The following UAP1L1 variants were observed in gnomAD, a reference collection of about 807,000 sequenced individuals.
The protein encoded by UAP1L1 is UDP-N-acetylhexosamine pyrophosphorylase-like protein 1.
Under a neutral mutation model 45.3 loss-of-function variants are expected in UAP1L1, and 45 were observed. The ratio of observed to expected loss-of-function variants is 0.99; its 90% confidence interval spans 0.78 to 1.27. The LOEUF is 1.27. Among genes scored for constraint, UAP1L1 ranks in the 50% most tolerant of loss-of-function variants. The pLI, the probability that UAP1L1 is intolerant of heterozygous loss-of-function variation, is 0.00. For missense variants in UAP1L1, 667 were observed against 694.0 expected (o/e 0.96, Z 0.44); for synonymous variants, 323 against 303.9 (o/e 1.06, Z -0.65).
In UAP1L1 at chr9:137,082,019, TC is replaced by T. The variant is rs776374428; in HGVS notation, c.1388del (p.Pro463ArgfsTer17). 6.2e-7 allele frequency: 1 copy of T among 1,614,092 alleles called. No individual in the cohort carries two copies. The highest frequency in any genetic ancestry group is 8.5e-7 in the Non-Finnish European group (1 of 1,180,018). On this transcript the variant is annotated frameshift_variant, in exon 8 of 9. Coordinates refer to ENST00000409858, the MANE Select transcript of UAP1L1 (RefSeq NM_207309.3). LOFTEE classifies it high-confidence loss of function. This position sits in a 1 kb window ranked among gnomAD's most constrained non-coding sequence, Gnocchi z 5.7. ...LPSLPPNGDP[P>X]AICEISPLVS... ...CTAGCTTGCCCCCAAATGGAGACCC[TC>T]CGGCCATCTGTGAGATATCGCCCTT... is the stretch of plus-strand genomic sequence containing the variant.
rs377622844 is a variant in UAP1L1 at position 137,080,670 on chromosome 9, C to T, written c.1179-19C>T. On this transcript the variant is annotated intron_variant, in intron 6 of 8. Coordinates refer to ENST00000409858, the MANE Select transcript of UAP1L1 (RefSeq NM_207309.3). The stretch of plus-strand genomic sequence containing the variant: ...GGCCTCTGTGCTGGGACGTGGGTGA[C>T]TAGCCCTTTCCCCACCAGGAACTTT... The T allele has an allele frequency of 2.5e-6, 4 of 1,598,518 alleles. No homozygotes were observed. The African/African-American group carries it at 5.4e-5, about 21-fold the overall frequency.
In UAP1L1 at chr9:137,082,431, C is replaced by T. The variant is rs762581172; in HGVS notation, c.1432-206C>T. The T allele has an allele frequency of 3.4e-6, 2 of 595,382 alleles. No homozygotes were observed. The highest frequency in any genetic ancestry group is 6.0e-6 in the Non-Finnish European group (2 of 333,538). 36.9% of individuals were successfully genotyped at this position (595,382 alleles called of 1,614,324 possible). ...GACCTGTGCGTGACAGGAGGGTCCC[C>T]TGCTGGCCTAGGGTCTTGAGTGTGG... On this transcript the variant is annotated intron_variant, in intron 8 of 8. Transcript: ENST00000409858. The surrounding 1 kb of genome is among the most constrained non-coding windows in gnomAD (Gnocchi z 5.7).
Position 137,078,249 on chromosome 9 carries a change from C to T in UAP1L1, c.489C>T (p.Val163=). The stretch of plus-strand genomic sequence containing the variant: ...AGCGCCACGGGACCCGCTGCACCGT[C>T]CCCTGGTGTGTCCTGCCTGCCCTAC... ...AGERHGTRCT[V]PWYVMTSEFT... Residue 163 remains valine, a synonymous_variant, in exon 2 of 9, where the codon GTC becomes GTT. Coordinates refer to ENST00000409858, the MANE Select transcript of UAP1L1 (RefSeq NM_207309.3). 1 of 1,542,450 alleles carries T rather than the reference C, an allele frequency of 6.5e-7. No individual in the cohort carries two copies.
rs370805014 is a variant in UAP1L1, at chr9:137,079,365, G to T, written c.953G>T (p.Arg318Leu). 4.3e-6 allele frequency: 7 copies of T among 1,612,868 alleles called. No individual in the cohort carries two copies. Among genetic ancestry groups the T allele is most frequent in the Middle Eastern group, 1.6e-4 (1 of 6,084 alleles). The change falls in exon 5 of 9, where the codon CGT (arginine) becomes CTT (leucine). Residue 318 changes from arginine to leucine, a missense_variant. By Grantham distance (102) the Arg-to-Leu change is moderately radical. Coordinates refer to ENST00000409858, the MANE Select transcript of UAP1L1 (RefSeq NM_207309.3). ...ATCAGTCCTGAGACCGCACAGCTAC[G>T]TGCCTCCGACGGGAGCCTGCTGTAC... ...SEISPETAQL[R>L]ASDGSLLYNA...
In UAP1L1 at chr9:137,079,270, A is replaced by G. The variant is rs761506199; in HGVS notation, c.858A>G (p.Ala286=). The G allele has an allele frequency of 2.5e-6, 4 of 1,610,364 alleles. No homozygotes were observed. Among genetic ancestry groups the G allele is most frequent in the South Asian group, 1.1e-5 (1 of 90,924 alleles). The change falls in exon 5 of 9, where the codon GCA becomes GCG. Residue 286 remains alanine (A), a synonymous_variant. Transcript: ENST00000409858. ...CTTGGCTGCAGGTGGTGGAAAAGGC[A>G]TACCCCGAGGAGCCCGTGGGCGTGG... ...ADCGAKVVEK[A]YPEEPVGVVC...
Position 137,077,716 on chromosome 9 carries a change from G to T in UAP1L1, c.184G>T (p.Gly62Cys). 1 of 1,158,558 alleles carries T rather than the reference G, an allele frequency of 8.6e-7. No individual in the cohort carries two copies. The highest frequency in any genetic ancestry group is 1.1e-6 in the Non-Finnish European group (1 of 941,862). The allele number at this position is 1,158,558 out of a possible 1,614,324, so 71.8% of individuals were successfully genotyped here. A position where few individuals can be genotyped will look rare whatever the true frequency, so the allele number is the denominator to read the frequency against. The change falls in exon 1 of 9, where the codon GGC becomes TGC. Residue 62 changes from glycine to cysteine, a missense_variant. Gly to Cys is a radical substitution (Grantham distance 159). Coordinates refer to ENST00000409858, the MANE Select transcript of UAP1L1 (RefSeq NM_207309.3). This position sits in a 1 kb window ranked among gnomAD's most constrained non-coding sequence, Gnocchi z 4.7. Reference sequence around the variant, plus strand: ...GGCGGAGGCCTGCGCGCGCCCCCACGGCCCGCCGCCCGACTTGGCCGCGCG... The same window carrying T: ...GGCGGAGGCCTGCGCGCGCCCCCACTGCCCGCCGCCCGACTTGGCCGCGCG... ...RAAEACARPH[G>C]PPPDLAARLR...
chr9:137,081,552 G>T (rs1160641201), intron 7 of UAP1L1, among the ~76,000 whole-genome samples: 4 of 151,978 alleles, frequency 2.6e-5, no homozygotes, highest in Non-Finnish European at 4.4e-5. Flanking sequence ...ACATTTGTGG[G>T]GTGTGTGTGC....
rs1159222688 is a variant in UAP1L1, at chr9:137,083,796, A to G, written c.*1067A>G. The G allele has an allele frequency of 6.6e-6, 1 of 152,248 alleles. No individual in the cohort carries two copies. The highest frequency in any genetic ancestry group is 1.5e-5 in the Non-Finnish European group (1 of 68,122). The allele number at this position is 152,248 out of a possible 1,614,324, so 9.4% of individuals were successfully genotyped here. ...TCCCTCTCCCTGCTGACATGAAGAG[A>G]GCTATGATATGCCACTGCTGCCAAC... is the stretch of plus-strand genomic sequence containing the variant. On this transcript the variant is annotated 3_prime_UTR_variant, in exon 9 of 9. Coordinates refer to ENST00000409858, the MANE Select transcript of UAP1L1 (RefSeq NM_207309.3).
chr9:137,078,094 G>C lies in UAP1L1; in HGVS notation c.334G>C (p.Ala112Pro), dbSNP rs926702333. The C allele has an allele frequency of 1.6e-5, 25 of 1,550,094 alleles. No individual in the cohort carries two copies. The highest frequency in any genetic ancestry group is 2.2e-5 in the Non-Finnish European group (25 of 1,146,908). ...SLNKVAVLLL[A>P]GGQGTRLGVT... The stretch of plus-strand genomic sequence containing the variant: ...GAACAAGGTGGCCGTCCTGCTGCTG[G>C]CTGGGGGGCAGGGCACTCGCCTGGG... The change falls in exon 2 of 9, where the codon GCT becomes CCT. Residue 112 changes from alanine to proline, a missense_variant. Physicochemically the swap from Ala to Pro is conservative, Grantham distance 27. Coordinates refer to ENST00000409858, the MANE Select transcript of UAP1L1 (RefSeq NM_207309.3).
At chr9:137,081,393 T>C (rs1307337093) in intron 7 of UAP1L1, among the ~76,000 whole-genome samples, 5 of 150,964 alleles carry the variant, frequency 3.3e-5, no homozygotes, top group African/African-American at 7.3e-5. Flanking sequence ...TTTTTTTTTT[T>C]AGTAGAGACA....
At chr9:137,080,464 G>T (rs1464963289) in intron 6 of UAP1L1, 2 of 605,846 alleles carry the variant, frequency 3.3e-6, no homozygotes, top group African/African-American at 3.7e-5. Flanking sequence ...CCTCACTGCA[G>T]GGGTCCCAGG....
chr9:137,079,977 T>A, intron 5 of UAP1L1, 25 bp from the exon 6 acceptor site: 3 of 1,611,642 alleles, frequency 1.9e-6, no homozygotes, highest in Non-Finnish European at 2.5e-6. Flanking sequence ...GTTTCTTTCC[T>A]CCCCTCTGCT....
chr9:137,078,930 C>T lies in UAP1L1; in HGVS notation c.671-46C>T, dbSNP rs1033610187. On this transcript the variant is annotated intron_variant, in intron 3 of 8. Coordinates refer to ENST00000409858, the MANE Select transcript of UAP1L1 (RefSeq NM_207309.3). Reference sequence around the variant, plus strand: ...GCACGTCCTAGACTCCCAGAGCGATCCCTGGCGGGAGCCCTCGCGATGCCC... The same window carrying T: ...GCACGTCCTAGACTCCCAGAGCGATTCCTGGCGGGAGCCCTCGCGATGCCC... 3 of 1,546,698 alleles carry T rather than the reference C, an allele frequency of 1.9e-6. No individual in the cohort carries two copies. In the African/African-American group the frequency reaches 4.2e-5, roughly 21 times the overall value.
rs1213437852 is a variant in UAP1L1 at position 137,078,043 on chromosome 9, C to T, written c.290-7C>T. 3.9e-6 allele frequency: 6 copies of T among 1,547,932 alleles called. No individual in the cohort carries two copies. The highest frequency in any genetic ancestry group is 2.6e-6 in the Non-Finnish European group (3 of 1,146,876). ...CGGGCGTCCCTTCACGGCGCCCGTA[C>T]CCCCAGGTTTCCGTCAGATTTCTCT... On this transcript the variant is annotated splice_region_variant and splice_polypyrimidine_tract_variant and intron_variant, in intron 1 of 8. Coordinates refer to ENST00000409858, the MANE Select transcript of UAP1L1 (RefSeq NM_207309.3).
At chr9:137,078,361 C>A in intron 2 of UAP1L1, 107 bp downstream of exon 2, 1 of 1,562,562 alleles carries the variant, frequency 6.4e-7, no homozygotes, top group Non-Finnish European at 8.7e-7. Flanking sequence ...GGGACATTGC[C>A]CAGAACCGGC....
At chr9:137,080,602 C>T in intron 6 of UAP1L1, 87 bp from the exon 7 acceptor site, 1 of 1,347,994 alleles carries the variant, frequency 7.4e-7, no homozygotes, top group South Asian at 1.4e-5. Context: ...GACCTTCACT[C>T]TGTCACTGGA....
chr9:137,083,090 G>A lies in UAP1L1; in HGVS notation c.*361G>A, dbSNP rs1832817814. On this transcript the variant is annotated 3_prime_UTR_variant, in exon 9 of 9. Coordinates refer to ENST00000409858, the MANE Select transcript of UAP1L1 (RefSeq NM_207309.3). ...CTTCGGGTTGGGGCCCAAGGGAGGT[G>A]TGGTGTCATCTGGGGAGAACAGGAG... is the stretch of plus-strand genomic sequence containing the variant. The A allele has an allele frequency of 3.7e-6, 1 of 268,878 alleles. No homozygotes were observed. The highest frequency in any genetic ancestry group is 2.1e-5 in the African/African-American group (1 of 46,542). The allele number at this position is 268,878 out of a possible 1,614,324, so 16.7% of individuals were successfully genotyped here.
At position 137,079,273 on chromosome 9, in the gene UAP1L1, C is replaced by A. The variant is rs1437915232; in HGVS notation, c.861C>A (p.Tyr287Ter). Residue 287 changes from tyrosine to a stop codon, truncating the protein, a stop_gained, in exon 5 of 9, where the codon TAC (tyrosine) becomes TAA (stop). Coordinates refer to ENST00000409858, the MANE Select transcript of UAP1L1 (RefSeq NM_207309.3). LOFTEE classifies it high-confidence loss of function. ...GGCTGCAGGTGGTGGAAAAGGCATA[C>A]CCCGAGGAGCCCGTGGGCGTGGTGT... ...DCGAKVVEKA[Y>*]PEEPVGVVCQ... 4 of 1,610,648 alleles carry A rather than the reference C, an allele frequency of 2.5e-6. No individual in the cohort carries two copies. Among genetic ancestry groups the A allele is most frequent in the Non-Finnish European group, 3.4e-6 (4 of 1,178,338 alleles).
At position 137,077,644 on chromosome 9, in the gene UAP1L1, C is replaced by G. The variant is rs1336730994; in HGVS notation, c.112C>G (p.Leu38Val). Residue 38 changes from leucine to valine, a missense_variant, in exon 1 of 9, where the codon CTG becomes GTG. Coordinates refer to ENST00000409858, the MANE Select transcript of UAP1L1 (RefSeq NM_207309.3). This position sits in a 1 kb window ranked among gnomAD's most constrained non-coding sequence, Gnocchi z 4.7. The part of the protein sequence containing the change: ...PEPRAALLAE[L>V]ALLEPEALRE... ...GCCACGAGCCGCGCTGCTGGCGGAG[C>G]TGGCGCTGCTGGAGCCCGAGGCGCT... The G allele has an allele frequency of 7.7e-7, 1 of 1,305,476 alleles. No individual in the cohort carries two copies. The highest frequency in any genetic ancestry group is 9.9e-7 in the Non-Finnish European group (1 of 1,014,490). 80.9% of individuals were successfully genotyped at this position (1,305,476 alleles called of 1,614,324 possible).
Sources: gnomAD v4.1 joint callset for allele counts (sites outside exome capture counted in the v4.1 genomes callset) on GRCh38, gnomAD v4.1.1 for gene constraint, Gnocchi (gnomAD v3.1) non-coding constraint, MANE v1.5 for transcripts, NCBI Gene and HGNC (gene_info 2026-07-23, HGNC 2026-07-21) for gene names.